The following ADGRD1 variants were observed in gnomAD, a reference collection of about 807,000 sequenced individuals.
The protein encoded by ADGRD1 is adhesion G protein-coupled receptor D1.
ADGRD1 carries 77 observed loss-of-function variants against 113.4 expected under a neutral mutation model. The observed-to-expected ratio is 0.68, with a 90% confidence interval of 0.57 to 0.82. The LOEUF is 0.82. Among genes scored for constraint, ADGRD1 ranks in the 40% least tolerant of loss-of-function variants. The pLI, the probability that ADGRD1 is intolerant of heterozygous loss-of-function variation, is 0.00. For synonymous variants in ADGRD1, 474 were observed against 475.0 expected (o/e 1.00, Z 0.03); for missense variants, 1,036 against 1,139.1 (o/e 0.91, Z 1.30).
intron 2 of ADGRD1, among the ~76,000 whole-genome samples, chr12:130,964,238 T>C (rs951836611): frequency 6.6e-6 from 1 of 151,428 alleles, no homozygotes; most frequent in Admixed American, 6.6e-5. Context: ...AACTTTGTTT[T>C]CTGATTGTGT....
At chr12:131,005,918 T>C (rs1877046363) in intron 11 of ADGRD1, 54 bp from the exon 12 acceptor site, 1 of 1,419,152 alleles carries the variant, frequency 7.0e-7, no homozygotes, top group Non-Finnish European at 9.9e-7. Flanking sequence ...TTTGTGTTTT[T>C]CCTGCCTGTG....
At chr12:130,997,572 C>A (rs527838839) in intron 8 of ADGRD1, among the ~76,000 whole-genome samples, 1 of 151,518 alleles carries the variant, frequency 6.6e-6, no homozygotes, top group Non-Finnish European at 1.5e-5. Context: ...GACGGGGCGG[C>A]GGGGCAAAGG....
At chr12:131,036,243 T>TACTCACTGCAGTGAGTCTC (rs1360266084) in intron 13 of ADGRD1, among the ~76,000 whole-genome samples, 74 of 150,910 alleles carry the variant, frequency 4.9e-4, no homozygotes, top group African/African-American at 1.6e-3. Context: ...CATCAGGCCT[T>TACTCACTGCAGTGAGTCTC]ACTCACTGCA....
At chr12:131,071,951 T>C (rs544344160) in intron 13 of ADGRD1, among the ~76,000 whole-genome samples, 49 of 150,548 alleles carry the variant, frequency 3.3e-4, no homozygotes, top group Non-Finnish European at 6.1e-4. Flanking sequence ...TGCCGCGCTT[T>C]CCACTGAGAG....
At position 131,038,016 on chromosome 12, in the gene ADGRD1, A is replaced by G. The variant is rs558083437; in HGVS notation, c.1473+23676A>G. Among the ~76,000 whole-genome samples the G allele has an allele frequency of 6.1e-5, 9 of 147,756 alleles. No individual in the cohort carries two copies. In the South Asian group the frequency reaches 1.5e-3, roughly 25 times the overall value. On this transcript the variant is annotated intron_variant, in intron 13 of 24. Coordinates refer to ENST00000261654, the MANE Select transcript of ADGRD1 (RefSeq NM_198827.5). ...ACTGCACTGGGGTCTCACTCACTGCATGGAGCCTCACTCACTACACCAGGC... is the reference window on the plus strand; with the variant it reads ...ACTGCACTGGGGTCTCACTCACTGCGTGGAGCCTCACTCACTACACCAGGC...
At chr12:131,019,060 C>T (rs536673184) in intron 13 of ADGRD1, among the ~76,000 whole-genome samples, 230 of 152,330 alleles carry the variant, frequency 1.5e-3, no homozygotes, top group African/African-American at 5.5e-3. Context: ...CAGAGCCCTG[C>T]ACAGACGCCT....
In ADGRD1 at chr12:131,050,854, C is replaced by T. The variant is rs548482950; in HGVS notation, c.1474-25947C>T. Among the ~76,000 whole-genome samples the T allele has an allele frequency of 7.9e-5, 12 of 152,204 alleles. No homozygotes were observed. Among genetic ancestry groups the T allele is most frequent in the African/African-American group, 1.7e-4 (7 of 41,552 alleles). On this transcript the variant is annotated intron_variant, in intron 13 of 24. Coordinates refer to ENST00000261654, the MANE Select transcript of ADGRD1 (RefSeq NM_198827.5). The surrounding 1 kb of genome is among the most constrained non-coding windows in gnomAD (Gnocchi z 4.8). Reference sequence around the variant, plus strand: ...CTAGATACCTCACAAGCAGAGTTCACGGTCGGTTTGCATTCCTATGAGAAT... The same window carrying T: ...CTAGATACCTCACAAGCAGAGTTCATGGTCGGTTTGCATTCCTATGAGAAT...
intron 15 of ADGRD1, among the ~76,000 whole-genome samples, chr12:131,099,142 G>A (rs557371731): frequency 3.3e-5 from 5 of 152,296 alleles, no homozygotes; most frequent in African/African-American, 1.2e-4. Context: ...CAAGACAGTC[G>A]ACCTGTCTTC....
chr12:131,118,607 A>T (rs1950520954), intron 19 of ADGRD1, among the ~76,000 whole-genome samples, 156 bp downstream of exon 19: 1 of 152,226 alleles, frequency 6.6e-6, no homozygotes. Context: ...GTCGTGGTCC[A>T]GGGAGAGGGA....
In ADGRD1 at chr12:131,003,632, G is replaced by C. The variant is rs529206503; in HGVS notation, c.1144+330G>C. Among the ~76,000 whole-genome samples, 50 of 152,336 alleles carry C rather than the reference G, an allele frequency of 3.3e-4. No individual in the cohort carries two copies. Among genetic ancestry groups the C allele is most frequent in the Admixed American group, 1.8e-3 (27 of 15,306 alleles). ...ATAAAAGGGGTGGCCTCGGGTTTCT[G>C]GCGTCAGCTTGCTCTCAGCTGGGCT... On this transcript the variant is annotated intron_variant, in intron 10 of 24. Coordinates refer to ENST00000261654, the MANE Select transcript of ADGRD1 (RefSeq NM_198827.5). This position sits in a 1 kb window ranked among gnomAD's most constrained non-coding sequence, Gnocchi z 4.8.
chr12:131,003,265 G>T lies in ADGRD1; in HGVS notation c.1107G>T (p.Thr369=). 1 of 1,613,872 alleles carries T rather than the reference G, an allele frequency of 6.2e-7. No homozygotes were observed. Residue 369 remains threonine, a synonymous_variant, in exon 10 of 25, where the codon ACG becomes ACT. Coordinates refer to ENST00000261654, the MANE Select transcript of ADGRD1 (RefSeq NM_198827.5). The surrounding 1 kb of genome is among the most constrained non-coding windows in gnomAD (Gnocchi z 4.8). Reference sequence around the variant, plus strand: ...TATCCTCCAACCTGCACGGCAGCACGCCCCAGGTCACCGTGGAGGGCTCCT... The same window carrying T: ...TATCCTCCAACCTGCACGGCAGCACTCCCCAGGTCACCGTGGAGGGCTCCT... The part of the protein sequence containing the change: ...GHVSSNLHGS[T]PQVTVEGSSA...
rs7136157 is a variant in ADGRD1 at position 131,140,135 on chromosome 12, G to C, written c.*872G>C. The C allele has an allele frequency of 0.34, 51,562 of 152,204 alleles. 9,071 individuals carry two copies. The highest frequency in any genetic ancestry group is 0.5 in the Middle Eastern group (146 of 294). 9.4% of individuals were successfully genotyped at this position (152,204 alleles called of 1,614,324 possible). ...TGGTTGTTCTTGGGCCACAGGAGCTGGCCGTGTCCCCGCAGTGCCTGGTGT... is the reference window on the plus strand; with the variant it reads ...TGGTTGTTCTTGGGCCACAGGAGCTCGCCGTGTCCCCGCAGTGCCTGGTGT... On this transcript the variant is annotated 3_prime_UTR_variant, in exon 25 of 25. Transcript: ENST00000261654.
intron 20 of ADGRD1, 104 bp downstream of exon 20, chr12:131,121,017 A>G (rs1950579894): frequency 2.0e-6 from 2 of 1,021,640 alleles, no homozygotes; most frequent in Non-Finnish European, 2.9e-6. Flanking sequence ...GAGCTTCCGA[A>G]GGATGCAGCG....
chr12:130,964,626 A>G (rs1178397136), intron 2 of ADGRD1, among the ~76,000 whole-genome samples: 2 of 152,230 alleles, frequency 1.3e-5, no homozygotes, highest in Non-Finnish European at 2.9e-5. Flanking sequence ...CGGAGGTTGC[A>G]GTGAGCCGAG....
intron 15 of ADGRD1, among the ~76,000 whole-genome samples, chr12:131,099,728 C>T (rs1430439595): frequency 6.6e-6 from 1 of 152,214 alleles, no homozygotes; most frequent in Non-Finnish European, 1.5e-5. Context: ...ATGGGCTCAC[C>T]TTATAACTCA....
chr12:131,004,020 A>AT lies in ADGRD1; in HGVS notation c.1145-166_1145-165insT, dbSNP rs1555243213. Among the ~76,000 whole-genome samples the AT allele has an allele frequency of 5.8e-3, 721 of 125,366 alleles. 11 individuals carry two copies. The highest frequency in any genetic ancestry group is 0.018 in the African/African-American group (582 of 33,004). 82.2% of individuals were successfully genotyped at this position (125,366 alleles called of 152,430 possible). The stretch of plus-strand genomic sequence containing the variant: ...CACTGCCTGGGCTCTTCATTGCTTT[A>AT]CCCTTTTTTTTTTTTTTTTTGAGGC... On this transcript the variant is annotated intron_variant, in intron 10 of 24. Coordinates refer to ENST00000261654, the MANE Select transcript of ADGRD1 (RefSeq NM_198827.5).
intron 16 of ADGRD1, 32 bp from the exon 17 acceptor site, chr12:131,105,722 G>A (rs1337997039): frequency 6.4e-7 from 1 of 1,555,674 alleles, no homozygotes; most frequent in South Asian, 1.1e-5. Context: ...TCGGCGCAGG[G>A]CCCAGGCCTC....
intron 21 of ADGRD1, among the ~76,000 whole-genome samples, chr12:131,132,086 G>A (rs1433392303): frequency 4.6e-5 from 7 of 152,186 alleles, no homozygotes; most frequent in African/African-American, 1.7e-4. Flanking sequence ...TTCACCCCAG[G>A]GTGATGAGCA....
intron 12 of ADGRD1, among the ~76,000 whole-genome samples, chr12:131,009,861 G>A (rs1877649695): frequency 6.6e-6 from 1 of 152,212 alleles, no homozygotes; most frequent in African/African-American, 2.4e-5. Context: ...CAGATAAAGT[G>A]AACATGGCAA....
Sources: allele counts gnomAD v4.1 joint callset (sites outside exome capture counted in the v4.1 genomes callset), GRCh38; gene constraint gnomAD v4.1.1; non-coding constraint Gnocchi (gnomAD v3.1); transcripts MANE v1.5; gene names NCBI Gene and HGNC (gene_info 2026-07-23, HGNC 2026-07-21).